The following AKAP19 variants were observed in gnomAD, a reference collection of about 807,000 sequenced individuals.
AKAP19 encodes A-kinase anchoring protein 19, also known as small A-kinase anchoring protein.
the AKAP19 span, among the ~76,000 whole-genome samples, chr2:190,121,719 A>G: frequency 1.3e-5 from 2 of 152,204 alleles, no homozygotes; most frequent in African/African-American, 4.8e-5. Context: ...GATTATAGAC[A>G]GGTAGACTTT....
the AKAP19 span, among the ~76,000 whole-genome samples, chr2:189,969,599 G>A: frequency 0.2 from 30,909 of 151,238 alleles, 3,401 homozygotes; most frequent in African/African-American, 0.29. Context: ...GCATGATGGC[G>A]GGCACCTGTG....
the AKAP19 span, chr2:190,199,710 G>C: frequency 1.2e-5 from 17 of 1,463,236 alleles, no homozygotes; most frequent in Middle Eastern, 5.0e-4. Flanking sequence ...AACACTACAC[G>C]TGAAGAGTGG....
chr2:190,028,645 T>C, the AKAP19 span, among the ~76,000 whole-genome samples: 2 of 152,218 alleles, frequency 1.3e-5, no homozygotes, highest in Non-Finnish European at 2.9e-5. Flanking sequence ...CATATAAGTA[T>C]ACTTAGTAAT....
At chr2:190,125,527 A>C in the AKAP19 span, among the ~76,000 whole-genome samples, 6 of 152,194 alleles carry the variant, frequency 3.9e-5, no homozygotes, top group Admixed American at 1.3e-4. Context: ...TAAATGAGGC[A>C]AACCAAGGAA....
chr2:189,879,915 A>G, the AKAP19 span: 2 of 152,296 alleles, frequency 1.3e-5, no homozygotes, highest in East Asian at 1.9e-4. Flanking sequence ...CCAAAACCCT[A>G]CGGAAGTCAG....
At chr2:189,924,399 A>G in the AKAP19 span, among the ~76,000 whole-genome samples, 1 of 151,806 alleles carries the variant, frequency 6.6e-6, no homozygotes, top group African/African-American at 2.4e-5. Flanking sequence ...TCCCATTTTC[A>G]CTTCCTTTGA....
the AKAP19 span, among the ~76,000 whole-genome samples, chr2:190,101,737 C>T: frequency 2.0e-5 from 3 of 151,660 alleles, no homozygotes; most frequent in African/African-American, 7.3e-5. Context: ...CACAGCCACA[C>T]AGTAATAGTG....
chr2:190,081,481 C>T, the AKAP19 span, among the ~76,000 whole-genome samples: 1 of 152,130 alleles, frequency 6.6e-6, no homozygotes, highest in African/African-American at 2.4e-5. Flanking sequence ...TACTCCTAAC[C>T]CGCATCTTAC....
chr2:190,031,018 T>C, the AKAP19 span, among the ~76,000 whole-genome samples: 7 of 152,116 alleles, frequency 4.6e-5, no homozygotes, highest in Admixed American at 4.6e-4. Flanking sequence ...CTTGTGCAAA[T>C]GGGGTATAAT....
At chr2:190,015,280 A>T in the AKAP19 span, among the ~76,000 whole-genome samples, 2 of 152,164 alleles carry the variant, frequency 1.3e-5, no homozygotes, top group African/African-American at 4.8e-5. Flanking sequence ...TGAAATCTAT[A>T]TGGAGGTTCC....
chr2:190,157,480 A>G, the AKAP19 span, among the ~76,000 whole-genome samples: 1 of 152,102 alleles, frequency 6.6e-6, no homozygotes, highest in African/African-American at 2.4e-5. Context: ...TAACTTTTGG[A>G]AGAACTACAT....
chr2:190,186,449 C>CAGCT, the AKAP19 span, among the ~76,000 whole-genome samples: 286 of 152,292 alleles, frequency 1.9e-3, 2 homozygotes, highest in African/African-American at 6.5e-3. This position sits in a 1 kb window ranked among gnomAD's most constrained non-coding sequence, Gnocchi z 5.5. Context: ...TGTCAGTGAC[C>CAGCT]AGCTGTACAG....
At chr2:189,984,699 T>C in the AKAP19 span, among the ~76,000 whole-genome samples, 2 of 152,220 alleles carry the variant, frequency 1.3e-5, no homozygotes, top group African/African-American at 2.4e-5. Flanking sequence ...TGTTTAGAGA[T>C]TGCAGTAAAG....
chr2:189,887,070 C>T, the AKAP19 span, among the ~76,000 whole-genome samples: 57 of 152,224 alleles, frequency 3.7e-4, no homozygotes, highest in Non-Finnish European at 6.8e-4. Flanking sequence ...ATACACGTGT[C>T]ATGGTGGTTT....
the AKAP19 span, among the ~76,000 whole-genome samples, chr2:190,030,739 C>CT: frequency 6.6e-6 from 1 of 152,178 alleles, no homozygotes; most frequent in Non-Finnish European, 1.5e-5. Flanking sequence ...ATAAACCTAG[C>CT]TTTTCAATGT....
the AKAP19 span, among the ~76,000 whole-genome samples, chr2:189,933,455 C>T: frequency 6.6e-6 from 1 of 152,118 alleles, no homozygotes; most frequent in Non-Finnish European, 1.5e-5. Flanking sequence ...GATTTTTAAA[C>T]AGTCATTTTT....
chr2:190,011,050 C>CTTTTTT, the AKAP19 span, among the ~76,000 whole-genome samples: 1 of 59,574 alleles, frequency 1.7e-5, no homozygotes. Flanking sequence ...CTCTCTCTCT[C>CTTTTTT]TTTTTTTTTT....
chr2:190,083,684 G>T, the AKAP19 span, among the ~76,000 whole-genome samples: 17 of 152,282 alleles, frequency 1.1e-4, no homozygotes, highest in African/African-American at 4.1e-4. Flanking sequence ...ATGCAACATT[G>T]TTAGGTTAAC....
the AKAP19 span, among the ~76,000 whole-genome samples, chr2:190,063,477 G>A: frequency 1.3e-4 from 20 of 152,082 alleles, no homozygotes; most frequent in African/African-American, 4.3e-4. Flanking sequence ...TTACCAAGAG[G>A]GTAATGCCAG....
Sources: gnomAD v4.1 joint callset for allele counts (sites outside exome capture counted in the v4.1 genomes callset) on GRCh38, gnomAD v4.1.1 for gene constraint, Gnocchi (gnomAD v3.1) non-coding constraint, MANE v1.5 for transcripts, NCBI Gene and HGNC (gene_info 2026-07-23, HGNC 2026-07-21) for gene names.